The following CLEC12A variants were observed in gnomAD, a reference collection of about 807,000 sequenced individuals.
CLEC12A encodes C-type lectin domain family 12 member A.
CLEC12A carries 22 observed loss-of-function variants against 26.5 expected under a neutral mutation model. That is an observed-to-expected ratio of 0.83 (90% CI 0.59 to 1.19). The LOEUF (loss-of-function observed/expected upper bound fraction) is 1.19, where lower values mean the gene tolerates loss of function less well. CLEC12A is among the 50% of genes most tolerant of loss of function. The pLI is 0.00. For missense variants in CLEC12A, 353 were observed against 315.6 expected (o/e 1.12, Z -0.90); for synonymous variants, 119 against 101.9 (o/e 1.17, Z -1.01).
chr12:10,002,073 C>T, the CLEC12A span, among the ~76,000 whole-genome samples: 2 of 151,586 alleles, frequency 1.3e-5, no homozygotes, highest in Non-Finnish European at 1.5e-5. Context: ...AGTAGAGACG[C>T]GGTTTCACCG....
At chr12:9,987,133 A>G (rs1864784056), downstream of CLEC12A, among the ~76,000 whole-genome samples, 1 of 152,236 alleles carries the variant, frequency 6.6e-6, no homozygotes, top group Admixed American at 6.5e-5. Context: ...GAGCTTTCAA[A>G]CAATGTTTAT....
intron 1 of CLEC12A, among the ~76,000 whole-genome samples, chr12:9,960,759 G>C (rs759878145): frequency 6.6e-6 from 1 of 152,138 alleles, no homozygotes; most frequent in South Asian, 2.1e-4. Flanking sequence ...CTTGAAACTT[G>C]TTTGTTTTCC....
intron 1 of CLEC12A, among the ~76,000 whole-genome samples, chr12:9,964,171 C>G (rs138578496): frequency 3.3e-5 from 5 of 151,982 alleles, no homozygotes; most frequent in Non-Finnish European, 7.4e-5. Context: ...TGGAGGAGGG[C>G]GGCAGCTTGC....
intron 1 of CLEC12A, among the ~76,000 whole-genome samples, chr12:9,964,834 T>G (rs1863901464): frequency 6.6e-6 from 1 of 152,064 alleles, no homozygotes; most frequent in Non-Finnish European, 1.5e-5. Flanking sequence ...ACTAAGTGTG[T>G]TCAGGGTGAG....
In CLEC12A at chr12:9,971,567, C is replaced by G; in HGVS notation, c.-30C>G. The stretch of plus-strand genomic sequence containing the variant: ...TCACTCATCTTTTTGTGTTTTTACA[C>G]TTTGTCAAGATTTCTTTACATATTC... On this transcript the variant is annotated 5_prime_UTR_variant, in exon 1 of 6. Transcript: ENST00000304361. The G allele has an allele frequency of 6.3e-7, 1 of 1,592,288 alleles. No individual in the cohort carries two copies. Among genetic ancestry groups the G allele is most frequent in the Non-Finnish European group, 8.5e-7 (1 of 1,170,654 alleles).
At chr12:9,958,269 C>T (rs1863774565) in intron 1 of CLEC12A, among the ~76,000 whole-genome samples, 1 of 152,156 alleles carries the variant, frequency 6.6e-6, no homozygotes, top group African/African-American at 2.4e-5. Context: ...GATACAGAAC[C>T]CACGGCTCAC....
intron 1 of CLEC12A, among the ~76,000 whole-genome samples, chr12:9,957,265 A>T (rs1428949857): frequency 2.0e-5 from 3 of 152,150 alleles, no homozygotes; most frequent in African/African-American, 7.2e-5. Context: ...AGGTGGGCAG[A>T]TCACCTGAGG....
downstream of CLEC12A, chr12:9,998,313 C>T: frequency 6.2e-7 from 1 of 1,614,110 alleles, no homozygotes; most frequent in Non-Finnish European, 8.5e-7. Flanking sequence ...GCCCGACAAC[C>T]ATCCCCACGC....
downstream of CLEC12A, chr12:9,997,003 G>A (rs372730493): frequency 2.1e-5 from 34 of 1,613,536 alleles, no homozygotes; most frequent in Non-Finnish European, 2.9e-5. Flanking sequence ...ATGACCTTCT[G>A]GAGAAACCAA....
upstream of CLEC12A, among the ~76,000 whole-genome samples, chr12:9,968,968 G>A (rs477751): frequency 0.58 from 87,490 of 151,972 alleles, 25,515 homozygotes; most frequent in South Asian, 0.72. Flanking sequence ...GGAACTGAAG[G>A]TCATTATGTT....
At chr12:9,994,273 A>G (rs1313376073) in intron 4 of CLEC12A, among the ~76,000 whole-genome samples, 1 of 152,138 alleles carries the variant, frequency 6.6e-6, no homozygotes, top group African/African-American at 2.4e-5. Context: ...AAAGAACACT[A>G]AGTTGCCTGC....
In CLEC12A at chr12:9,985,037, A is replaced by C; in HGVS notation, c.*11A>C. ...TTTAGGGAGGCATGAGGCATCAATC[A>C]AATACATTTAAGGAGTGTAGGGGGT... On this transcript the variant is annotated 3_prime_UTR_variant, in exon 6 of 6. Transcript: ENST00000304361. The C allele has an allele frequency of 1.3e-6, 2 of 1,505,302 alleles. No individual in the cohort carries two copies. The highest frequency in any genetic ancestry group is 1.3e-5 in the South Asian group (1 of 74,630). 93.2% of individuals were successfully genotyped at this position (1,505,302 alleles called of 1,614,324 possible).
At chr12:9,964,813 A>G (rs1325982787) in intron 1 of CLEC12A, among the ~76,000 whole-genome samples, 2 of 152,292 alleles carry the variant, frequency 1.3e-5, no homozygotes, top group Admixed American at 1.3e-4. Context: ...TGGTGGAACT[A>G]CTATGAATAA....
downstream of CLEC12A, among the ~76,000 whole-genome samples, chr12:9,987,263 T>G (rs1162519792): frequency 1.3e-5 from 2 of 152,170 alleles, no homozygotes; most frequent in East Asian, 3.8e-4. Flanking sequence ...GGTAGCAAGA[T>G]TCTATGTAAA....
At chr12:9,993,957 G>T (rs1864963875) in intron 4 of CLEC12A, among the ~76,000 whole-genome samples, 1 of 152,116 alleles carries the variant, frequency 6.6e-6, no homozygotes, top group Admixed American at 6.6e-5. Context: ...TGTCTTTCTT[G>T]TTGGGGAACT....
downstream of CLEC12A, among the ~76,000 whole-genome samples, chr12:9,988,287 T>G (rs1864815683): frequency 6.6e-6 from 1 of 152,120 alleles, no homozygotes; most frequent in Non-Finnish European, 1.5e-5. Context: ...GCATTACCAT[T>G]CAGGACACAG....
chr12:9,958,629 C>A (rs1254869206), intron 1 of CLEC12A, among the ~76,000 whole-genome samples: 1 of 152,174 alleles, frequency 6.6e-6, no homozygotes, highest in South Asian at 2.1e-4. Context: ...AAAAGCCCAC[C>A]ACGAGTTTTG....
chr12:9,993,178 T>C (rs1177052607), intron 4 of CLEC12A: 4 of 1,612,056 alleles, frequency 2.5e-6, no homozygotes, highest in African/African-American at 1.3e-5. Flanking sequence ...ATGCCAGCCT[T>C]CCTCTCACAC....
downstream of CLEC12A, among the ~76,000 whole-genome samples, chr12:9,988,928 G>A (rs1300719438): frequency 6.6e-6 from 1 of 152,112 alleles, no homozygotes; most frequent in Non-Finnish European, 1.5e-5. Flanking sequence ...GTTTATTGCA[G>A]CACTATTCAC....
Sources: allele counts gnomAD v4.1 joint callset (sites outside exome capture counted in the v4.1 genomes callset), GRCh38; gene constraint gnomAD v4.1.1; transcripts MANE v1.5; gene names NCBI Gene and HGNC (gene_info 2026-07-23, HGNC 2026-07-21).